Variants in FGF14 observed in about 807,000 individuals in gnomAD.
FGF14 encodes the protein fibroblast growth factor homologous factor 4.
FGF14 carries 5 observed loss-of-function variants against 25.5 expected under a neutral mutation model. That is an observed-to-expected ratio of 0.20 (90% CI 0.10 to 0.41). The LOEUF is 0.41. Among genes scored for constraint, FGF14 ranks in the 10% least tolerant of loss-of-function variants. FGF14 has a pLI of 1.00. For missense variants in FGF14, 222 were observed against 320.1 expected, an observed-to-expected ratio of 0.69 and a Z score of 2.34; for synonymous variants, 138 against 118.3, an observed-to-expected ratio of 1.17 and a Z score of -1.08.
At chr13:102,164,683 C>T (rs2047923313) in intron 1 of FGF14, among the ~76,000 whole-genome samples, 3 of 152,176 alleles carry the variant, frequency 2.0e-5, no homozygotes, top group African/African-American at 7.2e-5. Flanking sequence ...AATGTCTGTG[C>T]TGTCCAATAG....
At chr13:101,813,111 G>A (rs182838942) in intron 3 of FGF14, among the ~76,000 whole-genome samples, 11 of 152,206 alleles carry the variant, frequency 7.2e-5, no homozygotes, top group Admixed American at 7.2e-4. Flanking sequence ...CTTGTGTACA[G>A]GTGGTGAGAG....
At chr13:101,950,923 A>T (rs192107713) in intron 1 of FGF14, among the ~76,000 whole-genome samples, 1 of 152,278 alleles carries the variant, frequency 6.6e-6, no homozygotes, top group Admixed American at 6.5e-5. Flanking sequence ...TCTTTAAAGA[A>T]AAGTGTTGGA....
At chr13:101,944,424 A>G (rs1056594780) in intron 1 of FGF14, among the ~76,000 whole-genome samples, 2 of 152,108 alleles carry the variant, frequency 1.3e-5, no homozygotes, top group Non-Finnish European at 2.9e-5. Context: ...TCCTTCCCAA[A>G]CCAAATCCAA....
intron 1 of FGF14, among the ~76,000 whole-genome samples, chr13:102,239,492 A>C (rs2051486763): frequency 6.6e-6 from 1 of 152,204 alleles, no homozygotes; most frequent in Admixed American, 6.6e-5. Flanking sequence ...CACACTGAGT[A>C]GCAAGGCTTA....
intron 1 of FGF14, among the ~76,000 whole-genome samples, chr13:102,104,305 T>C (rs2044800882): frequency 6.6e-6 from 1 of 152,162 alleles, no homozygotes. Context: ...TCTGACAATA[T>C]CTTCAGAACA....
intron 1 of FGF14, among the ~76,000 whole-genome samples, chr13:102,288,422 ACT>A (rs1308856267): frequency 6.6e-6 from 1 of 151,876 alleles, no homozygotes; most frequent in Non-Finnish European, 1.5e-5. Context: ...AAGTACTTTG[ACT>A]CTCTCAGAAG....
At position 101,713,413 on chromosome 13, in the gene FGF14, A is replaced by G. The variant is rs2034570968; in HGVS notation, c.*9418T>C. The G allele has an allele frequency of 1.3e-5, 2 of 152,172 alleles. No individual in the cohort carries two copies. The highest frequency in any genetic ancestry group is 2.9e-5 in the Non-Finnish European group (2 of 68,036). 9.4% of individuals were successfully genotyped at this position (152,172 alleles called of 1,614,324 possible). On this transcript the variant is annotated 3_prime_UTR_variant, in exon 5 of 5. Coordinates refer to ENST00000376143, the MANE Select transcript of FGF14 (RefSeq NM_004115.4). ...TAAATATGTCAAAATACTCTTTTCAACTGCACATTTTTTCAACGTGATTTT... is the reference window on the plus strand; with the variant it reads ...TAAATATGTCAAAATACTCTTTTCAGCTGCACATTTTTTCAACGTGATTTT...
chr13:102,139,794 T>C (rs939743335), intron 1 of FGF14, among the ~76,000 whole-genome samples: 4 of 152,164 alleles, frequency 2.6e-5, no homozygotes, highest in African/African-American at 9.7e-5. Flanking sequence ...AGCAGCTTGA[T>C]GCTGCAGGCT....
intron 1 of FGF14, among the ~76,000 whole-genome samples, chr13:102,047,519 G>A (rs1025309460): frequency 3.3e-5 from 5 of 152,100 alleles, no homozygotes; most frequent in African/African-American, 7.2e-5. Context: ...ATGAGTTCAC[G>A]TCCTTTGCAG....
At chr13:102,074,434 C>T (rs931320046) in intron 1 of FGF14, among the ~76,000 whole-genome samples, 1 of 152,160 alleles carries the variant, frequency 6.6e-6, no homozygotes, top group African/African-American at 2.4e-5. Flanking sequence ...GATATTGACA[C>T]CTGGAAAAAT....
rs1485606038 is a variant in FGF14, at chr13:102,087,403, A to ATTTTTT, written c.209-212108_209-212107insAAAAAA. Among the ~76,000 whole-genome samples, 69 of 80,412 alleles carry ATTTTTT rather than the reference A, an allele frequency of 8.6e-4. 1 individual carries two copies. Among genetic ancestry groups the ATTTTTT allele is most frequent in the Admixed American group, 1.4e-3 (10 of 7,390 alleles). The allele number at this position is 80,412 out of a possible 152,430, so 52.8% of individuals were successfully genotyped here. On this transcript the variant is annotated intron_variant, in intron 1 of 4. Coordinates refer to the FGF14 transcript ENST00000376131. ...CAGAAATAGTAAAAAATAGACTGTA[A>ATTTTTT]TTTCTTTTTTTTTTTTTTTTTTTTT...
At chr13:102,087,407 C>CTTTTTTTTTTTTTTTTT (rs71125043) in intron 1 of FGF14, among the ~76,000 whole-genome samples, 1 of 84,446 alleles carries the variant, frequency 1.2e-5, no homozygotes, top group Non-Finnish European at 2.2e-5. Context: ...ACTGTAATTT[C>CTTTTTTTTTTTTTTTTT]TTTTTTTTTT....
intron 1 of FGF14, among the ~76,000 whole-genome samples, chr13:102,038,079 C>T (rs909584689): frequency 6.6e-6 from 1 of 152,104 alleles, no homozygotes; most frequent in African/African-American, 2.4e-5. Flanking sequence ...CAAATAAATA[C>T]ATCTAGGCTG....
intron 1 of FGF14, among the ~76,000 whole-genome samples, chr13:101,911,940 C>G (rs1039151863): frequency 6.7e-6 from 1 of 150,366 alleles, no homozygotes; most frequent in Admixed American, 6.6e-5. Flanking sequence ...CCAAAACAAA[C>G]AAGCATGTGG....
intron 1 of FGF14, among the ~76,000 whole-genome samples, chr13:102,129,032 C>T (rs2046071119): frequency 6.6e-6 from 1 of 151,948 alleles, no homozygotes; most frequent in Admixed American, 6.6e-5. Flanking sequence ...GCAGAAGTTG[C>T]ACTCTAGCCT....
At chr13:101,874,650 C>T (rs2045293709) in intron 2 of FGF14, among the ~76,000 whole-genome samples, 2 of 152,078 alleles carry the variant, frequency 1.3e-5, no homozygotes, top group Admixed American at 6.6e-5. Flanking sequence ...ATTCTGCAAA[C>T]ACTTTGCACA....
intron 1 of FGF14, among the ~76,000 whole-genome samples, chr13:102,073,490 A>G (rs1440110193): frequency 6.6e-6 from 1 of 152,244 alleles, no homozygotes; most frequent in African/African-American, 2.4e-5. Context: ...ATAAAGCCCA[A>G]CATTTATGTA....
chr13:101,987,164 A>G (rs1351792920), intron 1 of FGF14, among the ~76,000 whole-genome samples: 1 of 152,044 alleles, frequency 6.6e-6, no homozygotes, highest in East Asian at 1.9e-4. Context: ...TTTTTAAAAC[A>G]AGGTTCAGAT....
intron 1 of FGF14, among the ~76,000 whole-genome samples, chr13:102,277,200 C>A (rs1246212362): frequency 2.0e-5 from 3 of 152,328 alleles, no homozygotes; most frequent in Admixed American, 2.0e-4. Context: ...TCAAGAAGAT[C>A]TATTTTAGAA....
Sources: gnomAD v4.1 joint callset for allele counts (sites outside exome capture counted in the v4.1 genomes callset) on GRCh38, gnomAD v4.1.1 for gene constraint, MANE v1.5 for transcripts, NCBI Gene and HGNC (gene_info 2026-07-23, HGNC 2026-07-21) for gene names.